Variants in APBB1IP observed in about 807,000 individuals in gnomAD.
APBB1IP encodes amyloid beta A4 precursor protein-binding family B member 1-interacting protein.
APBB1IP carries 27 observed loss-of-function variants against 64.9 expected under a neutral mutation model. That is an observed-to-expected ratio of 0.42 (90% CI 0.31 to 0.57). The LOEUF is 0.57. APBB1IP is among the 20% of genes least tolerant of loss of function. APBB1IP has a pLI of 0.20. For synonymous variants in APBB1IP, 392 were observed against 331.0 expected (o/e 1.18, Z -2.00); for missense variants, 812 against 845.5 (o/e 0.96, Z 0.49).
At chr10:26,460,220 A>T (rs1441392239) in intron 2 of APBB1IP, among the ~76,000 whole-genome samples, 1 of 152,236 alleles carries the variant, frequency 6.6e-6, no homozygotes, top group Non-Finnish European at 1.5e-5. Context: ...AATAATTATC[A>T]TAAAATTTGC....
intron 4 of APBB1IP, among the ~76,000 whole-genome samples, chr10:26,499,580 T>C (rs1163147057): frequency 6.6e-6 from 1 of 152,186 alleles, no homozygotes; most frequent in Non-Finnish European, 1.5e-5. Context: ...GATCACTTCC[T>C]TCCTGTCTGT....
At chr10:26,449,463 C>A (rs1835441284) in intron 2 of APBB1IP, among the ~76,000 whole-genome samples, 1 of 152,102 alleles carries the variant, frequency 6.6e-6, no homozygotes, top group Non-Finnish European at 1.5e-5. Flanking sequence ...ATGCACCAGG[C>A]ATTATAATGA....
intron 2 of APBB1IP, among the ~76,000 whole-genome samples, chr10:26,491,918 C>T (rs1341908825): frequency 6.6e-6 from 1 of 152,076 alleles, no homozygotes; most frequent in Non-Finnish European, 1.5e-5. Flanking sequence ...CGTGCCACCA[C>T]ACCCAGGTAA....
chr10:26,508,889 T>C (rs1179833582), intron 6 of APBB1IP, among the ~76,000 whole-genome samples: 3 of 152,200 alleles, frequency 2.0e-5, no homozygotes, highest in African/African-American at 7.2e-5. Context: ...TGTATGTATG[T>C]TTTTATAGAA....
intron 9 of APBB1IP, among the ~76,000 whole-genome samples, chr10:26,535,455 A>G (rs1290021498): frequency 6.6e-6 from 1 of 152,190 alleles, no homozygotes; most frequent in Admixed American, 6.5e-5. Context: ...TTGTATTACA[A>G]ACAATCCAAT....
chr10:26,494,296 C>G (rs1221801382), intron 3 of APBB1IP, among the ~76,000 whole-genome samples: 1 of 152,120 alleles, frequency 6.6e-6, no homozygotes, highest in Non-Finnish European at 1.5e-5. Context: ...GGCCAGGGGC[C>G]CTAAGTGGCA....
intron 8 of APBB1IP, among the ~76,000 whole-genome samples, chr10:26,522,180 A>G (rs565433128): frequency 6.7e-6 from 1 of 149,184 alleles, no homozygotes; most frequent in East Asian, 2.0e-4. Flanking sequence ...TCTTTTTAAG[A>G]AGCACATGAA....
intron 9 of APBB1IP, among the ~76,000 whole-genome samples, chr10:26,533,898 T>A (rs1836585841): frequency 6.6e-6 from 1 of 151,600 alleles, no homozygotes; most frequent in African/African-American, 2.4e-5. Context: ...GTAGGAAGTG[T>A]GAGATTTGGA....
intron 6 of APBB1IP, among the ~76,000 whole-genome samples, chr10:26,506,640 T>C (rs1368657017): frequency 6.6e-6 from 1 of 152,164 alleles, no homozygotes; most frequent in African/African-American, 2.4e-5. Flanking sequence ...CCTGGCCTAC[T>C]TTACTTATTT....
intron 8 of APBB1IP, among the ~76,000 whole-genome samples, chr10:26,522,125 A>G (rs2132453751): frequency 6.6e-6 from 1 of 152,360 alleles, no homozygotes; most frequent in African/African-American, 2.4e-5. Context: ...AAACTATTCA[A>G]CGGAATCTAA....
chr10:26,558,393 G>A lies in APBB1IP; in HGVS notation c.1156-1712G>A, dbSNP rs113990967. ...GGACTGGAATACCTGCCATGCGCTGGCCATGTGCTAAGCACTGAGGGTCTT... is the reference window on the plus strand; with the variant it reads ...GGACTGGAATACCTGCCATGCGCTGACCATGTGCTAAGCACTGAGGGTCTT... On this transcript the variant is annotated intron_variant, in intron 11 of 14. Transcript: ENST00000376236. 4.4e-3 allele frequency among the ~76,000 whole-genome samples: 664 copies of A among 152,186 alleles called. 11 individuals carry two copies. The highest frequency in any genetic ancestry group is 0.015 in the African/African-American group (629 of 41,532).
intron 8 of APBB1IP, among the ~76,000 whole-genome samples, chr10:26,523,548 C>T (rs1818054574): frequency 6.6e-6 from 1 of 152,166 alleles, no homozygotes; most frequent in South Asian, 2.1e-4. Context: ...GCCGTCCATT[C>T]TCAGGCAGGT....
At chr10:26,535,188 C>A (rs971347205) in intron 9 of APBB1IP, among the ~76,000 whole-genome samples, 2 of 152,060 alleles carry the variant, frequency 1.3e-5, no homozygotes, top group Non-Finnish European at 2.9e-5. Flanking sequence ...ATTTAAAAAT[C>A]TACAACTAGA....
chr10:26,440,699 T>G (rs1202197720), intron 2 of APBB1IP, among the ~76,000 whole-genome samples: 1 of 152,178 alleles, frequency 6.6e-6, no homozygotes, highest in African/African-American at 2.4e-5. Context: ...TTTATTACAT[T>G]TTTTGTATTT....
intron 3 of APBB1IP, among the ~76,000 whole-genome samples, 165 bp downstream of exon 3, chr10:26,492,563 G>A (rs1267570002): frequency 2.0e-5 from 3 of 152,116 alleles, no homozygotes; most frequent in African/African-American, 7.2e-5. Context: ...GTGACGGCGG[G>A]TCTGAGAAAT....
intron 2 of APBB1IP, among the ~76,000 whole-genome samples, chr10:26,454,251 G>A (rs946632734): frequency 2.6e-5 from 4 of 152,078 alleles, no homozygotes; most frequent in Non-Finnish European, 5.9e-5. Flanking sequence ...GACCAGCCTG[G>A]CCAACATGAC....
intron 2 of APBB1IP, among the ~76,000 whole-genome samples, chr10:26,446,854 G>GTGGATAGATAGA (rs1554772352): frequency 7.5e-5 from 5 of 66,558 alleles, no homozygotes; most frequent in Admixed American, 7.4e-4. Flanking sequence ...AGCAAAACCT[G>GTGGATAGATAGA]TAGATAGATA....
At chr10:26,510,355 C>T (rs965956349) in intron 6 of APBB1IP, among the ~76,000 whole-genome samples, 2 of 152,196 alleles carry the variant, frequency 1.3e-5, no homozygotes, top group African/African-American at 2.4e-5. Flanking sequence ...ATGCAGCTTC[C>T]TCCAAACCTA....
chr10:26,454,050 C>A (rs1408861186), intron 2 of APBB1IP, among the ~76,000 whole-genome samples: 6 of 152,190 alleles, frequency 3.9e-5, no homozygotes, highest in Non-Finnish European at 7.3e-5. Flanking sequence ...GTTATCTTGT[C>A]ATTTGCCACA....
Sources: gnomAD v4.1 joint callset for allele counts (sites outside exome capture counted in the v4.1 genomes callset) on GRCh38, gnomAD v4.1.1 for gene constraint, MANE v1.5 for transcripts, NCBI Gene and HGNC (gene_info 2026-07-23, HGNC 2026-07-21) for gene names.